USH2A: variants seen among roughly 807,000 people sequenced by gnomAD.
USH2A encodes the protein Usher syndrome 2A (autosomal recessive, mild).
USH2A carries 443 observed loss-of-function variants against 538.9 expected under a neutral mutation model. The ratio of observed to expected loss-of-function variants is 0.82; its 90% CI spans 0.76 to 0.89. The LOEUF (loss-of-function observed/expected upper bound fraction) is 0.89. USH2A is among the 40% of genes least tolerant of loss of function. The pLI is 0.00. For missense variants in USH2A, 6,633 were observed against 6,324.8 expected (o/e 1.05, Z -1.65); for synonymous variants, 2,413 against 2,273.5 (o/e 1.06, Z -1.75).
chr1:215,676,618 T>A (rs1475853200), intron 62 of USH2A, among the ~76,000 whole-genome samples: 1 of 152,168 alleles, frequency 6.6e-6, no homozygotes, highest in African/African-American at 2.4e-5. Flanking sequence ...TCCCTAAGAT[T>A]ACACAGCCTA....
intron 40 of USH2A, among the ~76,000 whole-genome samples, chr1:215,894,150 T>A (rs1279394236): frequency 6.6e-6 from 1 of 152,152 alleles, no homozygotes; most frequent in Non-Finnish European, 1.5e-5. Context: ...TGGAAAAATA[T>A]TTGGAATGGA....
chr1:216,355,836 T>G (rs1000126037), intron 4 of USH2A, among the ~76,000 whole-genome samples: 3 of 152,118 alleles, frequency 2.0e-5, no homozygotes, highest in African/African-American at 7.2e-5. Flanking sequence ...CAAAAAAAAT[T>G]AAATATGGTC....
chr1:215,772,127 C>T (rs1661309656), intron 55 of USH2A, among the ~76,000 whole-genome samples: 1 of 152,128 alleles, frequency 6.6e-6, no homozygotes, highest in Non-Finnish European at 1.5e-5. Flanking sequence ...AAGTAAGCCT[C>T]TATCGGTAGT....
intron 2 of USH2A, among the ~76,000 whole-genome samples, chr1:216,420,124 G>A (rs879762813): frequency 6.6e-6 from 1 of 152,000 alleles, no homozygotes; most frequent in African/African-American, 2.4e-5. Context: ...AAGTGAATTT[G>A]TTTTTATCCC....
At chr1:216,079,054 T>C (rs1244166914) in intron 26 of USH2A, 2 of 152,212 alleles carry the variant, frequency 1.3e-5, no homozygotes, top group Non-Finnish European at 2.9e-5. Context: ...TTTTACCTAA[T>C]ATATTTTTAC....
intron 64 of USH2A, among the ~76,000 whole-genome samples, chr1:215,652,049 C>A (rs996191559): frequency 3.3e-5 from 5 of 152,198 alleles, no homozygotes; most frequent in Non-Finnish European, 7.3e-5. Flanking sequence ...CGGATACATC[C>A]TCTCATCATT....
intron 52 of USH2A, among the ~76,000 whole-genome samples, chr1:215,785,331 A>C (rs1661768287): frequency 6.6e-6 from 1 of 152,176 alleles, no homozygotes; most frequent in Non-Finnish European, 1.5e-5. Flanking sequence ...TAACAGCTTG[A>C]AGTGCATTTG....
chr1:216,410,350 C>T (rs1353067185), intron 3 of USH2A, among the ~76,000 whole-genome samples: 14 of 151,962 alleles, frequency 9.2e-5, no homozygotes, highest in South Asian at 2.1e-4. Flanking sequence ...TCCATTCCTG[C>T]GTATATATCC....
At chr1:216,195,880 A>G (rs1447213552) in intron 19 of USH2A, 2 of 167,246 alleles carry the variant, frequency 1.2e-5, no homozygotes, top group Non-Finnish European at 2.9e-5. Flanking sequence ...ATCAGCCACA[A>G]CTGTAAACTG....
intron 63 of USH2A, among the ~76,000 whole-genome samples, chr1:215,673,369 A>G (rs2102663742): frequency 6.6e-6 from 1 of 152,300 alleles, no homozygotes; most frequent in South Asian, 2.1e-4. Context: ...TGTTCATTTT[A>G]CTAAATTTTA....
chr1:215,937,149 G>A (rs1378679566), intron 37 of USH2A, among the ~76,000 whole-genome samples: 1 of 152,026 alleles, frequency 6.6e-6, no homozygotes, highest in Non-Finnish European at 1.5e-5. Context: ...AATAAACAGT[G>A]CTTGTGGGCT....
At chr1:216,172,340 A>G (rs563739198) in intron 21 of USH2A, among the ~76,000 whole-genome samples, 1 of 152,086 alleles carries the variant, frequency 6.6e-6, no homozygotes, top group Non-Finnish European at 1.5e-5. Flanking sequence ...TAAAATATGT[A>G]TAATTATGTA....
intron 24 of USH2A, among the ~76,000 whole-genome samples, chr1:216,085,719 AGTGTGTGTGTGTGT>A (rs140742468): frequency 2.1e-5 from 3 of 143,632 alleles, no homozygotes; most frequent in African/African-American, 5.1e-5. Flanking sequence ...TGTGTACGTG[AGTGTGTGTGTGTGT>A]GTGTGTGTGT....
chr1:215,697,230 ATTACAGGTGTGAG>A (rs1231393845), intron 61 of USH2A, among the ~76,000 whole-genome samples: 1 of 151,842 alleles, frequency 6.6e-6, no homozygotes, highest in Non-Finnish European at 1.5e-5. Flanking sequence ...CAGTGTTAGG[ATTACAGGTGTGAG>A]TCACCTCACC....
intron 61 of USH2A, among the ~76,000 whole-genome samples, chr1:215,702,568 C>A (rs999331571): frequency 1.3e-5 from 2 of 151,624 alleles, no homozygotes; most frequent in Non-Finnish European, 2.9e-5. Context: ...TTAAGTTGAT[C>A]TTCAATCTCT....
At position 216,365,664 on chromosome 1, in the gene USH2A, T is replaced by C. The variant is rs77899556; in HGVS notation, c.652-579A>G. Among the ~76,000 whole-genome samples, 22 of 147,354 alleles carry C rather than the reference T, an allele frequency of 1.5e-4. No individual in the cohort carries two copies. In the East Asian group the frequency reaches 4.5e-3, roughly 30 times the overall value. On this transcript the variant is annotated intron_variant, in intron 3 of 71. Coordinates refer to ENST00000307340, the MANE Select transcript of USH2A (RefSeq NM_206933.4). ...AAGCAAGTAGCCTAATAACTGCACATATTAGGGATTAGCAATTTTTTTTTT... is the reference window on the plus strand; with the variant it reads ...AAGCAAGTAGCCTAATAACTGCACACATTAGGGATTAGCAATTTTTTTTTT...
Position 215,623,605 on chromosome 1 carries a change from C to A in USH2A, c.*2176G>T, listed in dbSNP as rs1240598441. 6.6e-6 allele frequency: 1 copy of A among 152,052 alleles called. No homozygotes were observed. Among genetic ancestry groups the A allele is most frequent in the Non-Finnish European group, 1.5e-5 (1 of 67,996 alleles). The allele number at this position is 152,052 out of a possible 1,614,324, so 9.4% of individuals were successfully genotyped here. A position where few individuals can be genotyped will look rare whatever the true frequency, so the allele number is the denominator to read the frequency against. On this transcript the variant is annotated 3_prime_UTR_variant, in exon 72 of 72. Coordinates refer to ENST00000307340, the MANE Select transcript of USH2A (RefSeq NM_206933.4). Reference sequence around the variant, plus strand: ...GTAAACTTAGACATGTAGCAGGGGACAGAGTTCTGGGCAGAAGCCATACAG... The same window carrying A: ...GTAAACTTAGACATGTAGCAGGGGAAAGAGTTCTGGGCAGAAGCCATACAG...
chr1:216,084,608 G>T, intron 25 of USH2A, 90 bp downstream of exon 25: 1 of 1,422,862 alleles, frequency 7.0e-7, no homozygotes, highest in Non-Finnish European at 9.8e-7. Context: ...GTTCATATGA[G>T]GTCAAGTTAA....
intron 13 of USH2A, among the ~76,000 whole-genome samples, chr1:216,233,533 G>A (rs1259247750): frequency 6.6e-6 from 1 of 151,958 alleles, no homozygotes; most frequent in East Asian, 1.9e-4. Flanking sequence ...CCAGTACACT[G>A]CTTGGCACAT....
Sources: gnomAD v4.1 joint callset for allele counts (sites outside exome capture counted in the v4.1 genomes callset) on GRCh38, gnomAD v4.1.1 for gene constraint, MANE v1.5 for transcripts, NCBI Gene and HGNC (gene_info 2026-07-23, HGNC 2026-07-21) for gene names.